Variants in KCTD1 observed in about 807,000 individuals in gnomAD.
KCTD1 encodes the protein BTB/POZ domain-containing protein KCTD1.
KCTD1 carries 24 observed loss-of-function variants against 66.0 expected under a neutral mutation model. The ratio of observed to expected loss-of-function variants is 0.36; its 90% CI spans 0.26 to 0.51. The LOEUF is 0.51. KCTD1 is among the 20% of genes least tolerant of loss of function. The pLI, the probability that KCTD1 is intolerant of heterozygous loss-of-function variation, is 0.95. For synonymous variants in KCTD1, 511 were observed against 517.2 expected (o/e 0.99, Z 0.16); for missense variants, 943 against 1,205.2 (o/e 0.78, Z 3.22).
At chr18:26,560,141 G>C (rs988491558) in intron 1 of KCTD1, among the ~76,000 whole-genome samples, 1 of 103,792 alleles carries the variant, frequency 9.6e-6, no homozygotes. Context: ...CCCCCCACCA[G>C]AAAAAAAAAA....
At position 26,496,846 on chromosome 18, in the gene KCTD1, T is replaced by C. The variant is rs758325317; in HGVS notation, c.1988+4226A>G. On this transcript the variant is annotated intron_variant, in intron 2 of 4. Transcript: ENST00000580059. ...TTTTCTTTTGGTGAAATGGCCATTA[T>C]GAGATACATGAAATAATCATTGAGG... 7.2e-5 allele frequency among the ~76,000 whole-genome samples: 11 copies of C among 152,250 alleles called. No homozygotes were observed. In the South Asian group the frequency reaches 8.3e-4, roughly 11 times the overall value.
intron 1 of KCTD1, among the ~76,000 whole-genome samples, chr18:26,580,888 A>G (rs1008818336): frequency 5.3e-5 from 8 of 152,218 alleles, no homozygotes; most frequent in Non-Finnish European, 1.5e-5. Context: ...GAACACAGCC[A>G]TGCTCATTTT....
intron 1 of KCTD1, among the ~76,000 whole-genome samples, chr18:26,596,024 G>T (rs1165099128): frequency 6.6e-6 from 1 of 152,158 alleles, no homozygotes; most frequent in Non-Finnish European, 1.5e-5. Flanking sequence ...CTGCAGCTAG[G>T]CAACAGTGTG....
chr18:26,534,501 T>C (rs1052851879), intron 1 of KCTD1, among the ~76,000 whole-genome samples: 54 of 152,188 alleles, frequency 3.5e-4, no homozygotes, highest in African/African-American at 1.3e-3. Context: ...TTTGGACCCT[T>C]TGTCTTATCT....
At position 26,459,667 on chromosome 18, in the gene KCTD1, C is replaced by T. The variant is rs1980297615; in HGVS notation, c.2392G>A (p.Val798Ile). Residue 798 changes from valine (V) to isoleucine (I), a missense_variant, in exon 4 of 5, where the codon GTC becomes ATC. Val to Ile is a conservative substitution (Grantham distance 29). Around this residue, in one of 10 missense-constraint regions of KCTD1, gnomAD observed 162 missense variants for 232.4 expected, o/e 0.70. Coordinates refer to ENST00000580059, the MANE Select transcript of KCTD1 (RefSeq NM_001142730.3). ...TAGCCATTTAGTGGAAACCTGATGA[C>T]GTGCGTCGAGTCGTGATTCCAGCCT... ...NAGWNHDSTH[V>I]IRFPLNGYCH... 12 of 1,610,440 alleles carry T rather than the reference C, an allele frequency of 7.5e-6. No individual in the cohort carries two copies. Among genetic ancestry groups the T allele is most frequent in the Non-Finnish European group, 9.3e-6 (11 of 1,177,364 alleles).
At chr18:26,513,174 G>A (rs1288785883) in intron 1 of KCTD1, among the ~76,000 whole-genome samples, 3 of 148,100 alleles carry the variant, frequency 2.0e-5, no homozygotes, top group Non-Finnish European at 3.0e-5. Context: ...TGCAAGCTCC[G>A]CCTCCCGGGT....
intron 1 of KCTD1, among the ~76,000 whole-genome samples, chr18:26,594,107 C>T (rs146368242): frequency 3.9e-5 from 6 of 152,322 alleles, no homozygotes; most frequent in Admixed American, 2.6e-4. Context: ...CTTGAAGGAG[C>T]TGGGCTTGGA....
intron 1 of KCTD1, among the ~76,000 whole-genome samples, chr18:26,524,289 A>T (rs1984053662): frequency 6.6e-6 from 1 of 152,200 alleles, no homozygotes; most frequent in Non-Finnish European, 1.5e-5. Flanking sequence ...CATGCAAGAC[A>T]GCGCTCACAG....
chr18:26,564,098 T>C (rs1985926291), intron 1 of KCTD1, among the ~76,000 whole-genome samples: 1 of 152,120 alleles, frequency 6.6e-6, no homozygotes, highest in Admixed American at 6.5e-5. Flanking sequence ...CTTGCATGTA[T>C]TGTAATTGTG....
At chr18:26,590,711 C>T (rs1220630943) in intron 1 of KCTD1, among the ~76,000 whole-genome samples, 3 of 152,060 alleles carry the variant, frequency 2.0e-5, no homozygotes, top group Non-Finnish European at 4.4e-5. Context: ...CTATTGTTTA[C>T]GTTCCATTAT....
chr18:26,578,335 C>T (rs1986278087), intron 1 of KCTD1, among the ~76,000 whole-genome samples: 1 of 152,122 alleles, frequency 6.6e-6, no homozygotes, highest in Non-Finnish European at 1.5e-5. Flanking sequence ...TATAAAAGAA[C>T]TGAACCGCCT....
Position 26,546,732 on chromosome 18 carries a change from G to A in KCTD1, c.1805C>T (p.Thr602Ile). 2 of 1,547,178 alleles carry A rather than the reference G, an allele frequency of 1.3e-6. No homozygotes were observed. The highest frequency in any genetic ancestry group is 2.7e-5 in the African/African-American group (2 of 72,950). Residue 602 changes from threonine to isoleucine, a missense_variant, in exon 1 of 5, where the codon ACC (threonine) becomes ATC (isoleucine). Physicochemically the swap from Thr to Ile is moderately conservative, Grantham distance 89 (BLOSUM62 -1). This residue lies in a region of KCTD1 where 197 missense variants were observed against 182.7 expected (regional missense o/e 1.08). Transcript: ENST00000580059. Reference protein sequence around the residue: ...TIVSPAIVSPTQDSRPNMSRP... With the variant: ...TIVSPAIVSPIQDSRPNMSRP... ...CATAGAGTTTGGTTTGGTTACCTGG[G>A]TGGGGGAAACAATAGCAGGTGAAAC...
intron 2 of KCTD1, among the ~76,000 whole-genome samples, chr18:26,486,330 A>C (rs1981917643): frequency 1.3e-5 from 2 of 152,230 alleles, no homozygotes; most frequent in African/African-American, 4.8e-5. Context: ...ATTGTCCCTG[A>C]AGAGTGAGGG....
chr18:26,606,568 C>T (rs144755136), intron 1 of KCTD1, among the ~76,000 whole-genome samples: 254 of 152,298 alleles, frequency 1.7e-3, no homozygotes, highest in African/African-American at 5.8e-3. Flanking sequence ...GCCGTGTGTG[C>T]TTCAGCGATC....
intron 1 of KCTD1, among the ~76,000 whole-genome samples, chr18:26,592,227 CAA>C (rs1568003145): frequency 6.6e-6 from 1 of 152,050 alleles, no homozygotes; most frequent in Non-Finnish European, 1.5e-5. Context: ...CCTTATGATA[CAA>C]AAAGTTAGAA....
At chr18:26,515,883 T>C (rs1598911490) in intron 1 of KCTD1, among the ~76,000 whole-genome samples, 3 of 152,160 alleles carry the variant, frequency 2.0e-5, no homozygotes, top group Admixed American at 6.5e-5. Flanking sequence ...GGAAGTGAAA[T>C]GGGCGGCAGA....
At chr18:26,466,544 T>C (rs923797149) in intron 3 of KCTD1, among the ~76,000 whole-genome samples, 1 of 152,140 alleles carries the variant, frequency 6.6e-6, no homozygotes, top group African/African-American at 2.4e-5. Flanking sequence ...TGGAATTTGA[T>C]GGGTAGGGAG....
At chr18:26,594,687 C>T (rs1284289819) in intron 1 of KCTD1, among the ~76,000 whole-genome samples, 4 of 152,120 alleles carry the variant, frequency 2.6e-5, no homozygotes, top group Non-Finnish European at 5.9e-5. Context: ...GTCTGGTCAA[C>T]CAACAGTCTA....
chr18:26,480,858 G>T (rs967790748), intron 2 of KCTD1, among the ~76,000 whole-genome samples: 1 of 152,174 alleles, frequency 6.6e-6, no homozygotes, highest in African/African-American at 2.4e-5. Flanking sequence ...CCCATTTGGT[G>T]GGAAGTGAGT....
Sources: allele counts gnomAD v4.1 joint callset (sites outside exome capture counted in the v4.1 genomes callset), GRCh38; gene constraint gnomAD v4.1.1; regional missense constraint gnomAD v4.1.1; transcripts MANE v1.5; gene names NCBI Gene and HGNC (gene_info 2026-07-23, HGNC 2026-07-21).